The following AFAP1 variants were observed in gnomAD, a reference collection of about 807,000 sequenced individuals.
The protein encoded by AFAP1 is actin filament associated protein 1.
In AFAP1, 75 loss-of-function variants were observed where a neutral mutation model predicts 93.9. The ratio of observed to expected loss-of-function variants is 0.80; its 90% CI spans 0.66 to 0.97. The LOEUF is 0.97. AFAP1 is among the 50% of genes least tolerant of loss of function. The pLI is 0.00. For missense variants in AFAP1, 1,201 were observed against 1,050.8 expected, an observed-to-expected ratio of 1.14 and a Z score of -1.98; for synonymous variants, 517 against 430.7, an observed-to-expected ratio of 1.20 and a Z score of -2.48.
Position 7,846,156 on chromosome 4 carries a change from C to T in AFAP1, c.335-2806G>A, listed in dbSNP as rs114941212. Reference sequence around the variant, plus strand: ...GTGAGCGAGGCCACAAAACGACGTCCGTGGTTACGCTTGGCTGTGCTAGGA... The same window carrying T: ...GTGAGCGAGGCCACAAAACGACGTCTGTGGTTACGCTTGGCTGTGCTAGGA... On this transcript the variant is annotated intron_variant, in intron 4 of 17. Coordinates refer to ENST00000420658, the MANE Select transcript of AFAP1 (RefSeq NM_001134647.2). Among the ~76,000 whole-genome samples the T allele has an allele frequency of 8.2e-3, 1,249 of 152,292 alleles. 28 individuals carry two copies. Among genetic ancestry groups the T allele is most frequent in the African/African-American group, 0.028 (1,176 of 41,564 alleles).
chr4:7,816,540 A>G (rs1158503707), intron 7 of AFAP1, among the ~76,000 whole-genome samples: 2 of 152,230 alleles, frequency 1.3e-5, no homozygotes, highest in Non-Finnish European at 2.9e-5. Flanking sequence ...TCTGCTTGTA[A>G]CAATACACTC....
At chr4:7,784,260 G>A (rs1016859551) in intron 12 of AFAP1, among the ~76,000 whole-genome samples, 2 of 152,120 alleles carry the variant, frequency 1.3e-5, no homozygotes, top group African/African-American at 2.4e-5. Context: ...TCTACTGGAT[G>A]GACTCTGAAG....
chr4:7,785,596 G>A (rs944382741), intron 12 of AFAP1, among the ~76,000 whole-genome samples: 2 of 152,164 alleles, frequency 1.3e-5, no homozygotes, highest in African/African-American at 4.8e-5. Context: ...ACTCTAACAT[G>A]TTCTCCTTTA....
At chr4:7,826,871 C>T (rs552391678) in intron 6 of AFAP1, among the ~76,000 whole-genome samples, 1 of 152,280 alleles carries the variant, frequency 6.6e-6, no homozygotes, top group Admixed American at 6.5e-5. Context: ...ACACAAAACG[C>T]ATGGAATGTC....
intron 8 of AFAP1, among the ~76,000 whole-genome samples, chr4:7,811,482 G>A (rs1208245980): frequency 1.3e-5 from 2 of 149,520 alleles, no homozygotes; most frequent in South Asian, 4.4e-4. Context: ...GCCTCTCTCT[G>A]CTGGGGAGCG....
chr4:7,819,209 G>A, intron 6 of AFAP1, 38 bp from the exon 7 acceptor site: 1 of 1,553,804 alleles, frequency 6.4e-7, no homozygotes, highest in Non-Finnish European at 8.8e-7. Context: ...TATGCCCAAA[G>A]GCAGAGATAC....
chr4:7,791,126 A>G (rs1367002216), intron 11 of AFAP1, among the ~76,000 whole-genome samples: 1 of 152,236 alleles, frequency 6.6e-6, no homozygotes, highest in Non-Finnish European at 1.5e-5. Context: ...GGTGGAGTTC[A>G]TATTAAACGG....
Position 7,774,743 on chromosome 4 carries a change from G to C in AFAP1, c.2058C>G (p.Asn686Lys), listed in dbSNP as rs185989039. The change falls in exon 15 of 18, where the codon AAC becomes AAG. Residue 686 changes from asparagine to lysine, a missense_variant. By Grantham distance (94) the Asn-to-Lys change is moderately conservative. Coordinates refer to ENST00000420658, the MANE Select transcript of AFAP1 (RefSeq NM_001134647.2). Reference sequence around the variant, plus strand: ...AGTCACCCACACCCTTCATACCGGCGTTCACTTCAATAGCCGCTCGAAGGT... The same window carrying C: ...AGTCACCCACACCCTTCATACCGGCCTTCACTTCAATAGCCGCTCGAAGGT... ...RKDLRAAIEV[N>K]AGRKPQAILE... 1.9e-6 allele frequency: 3 copies of C among 1,613,898 alleles called. No individual in the cohort carries two copies. In the African/African-American group the frequency reaches 4.0e-5, roughly 22 times the overall value.
chr4:7,799,836 ATGAG>A (rs1452188720), intron 10 of AFAP1, among the ~76,000 whole-genome samples: 1 of 152,218 alleles, frequency 6.6e-6, no homozygotes, highest in Non-Finnish European at 1.5e-5. Flanking sequence ...TTCTGCTTTC[ATGAG>A]TAAGAAATTC....
chr4:7,839,490 A>G (rs1712730766), intron 5 of AFAP1, among the ~76,000 whole-genome samples: 1 of 152,124 alleles, frequency 6.6e-6, no homozygotes, highest in Admixed American at 6.5e-5. Context: ...CCACAGCCCT[A>G]ATGAGAGAAA....
intron 13 of AFAP1, among the ~76,000 whole-genome samples, chr4:7,780,950 C>T (rs551680550): frequency 6.6e-6 from 1 of 152,292 alleles, no homozygotes; most frequent in Admixed American, 6.5e-5. Context: ...TCTGAATAAT[C>T]TATTTCATGT....
chr4:7,909,116 T>A (rs1719586273), intron 1 of AFAP1, among the ~76,000 whole-genome samples: 1 of 152,364 alleles, frequency 6.6e-6, no homozygotes, highest in Admixed American at 6.5e-5. Flanking sequence ...TAGCTCTTAA[T>A]ATTTACATTT....
Position 7,809,698 on chromosome 4 carries a change from T to C in AFAP1, c.970A>G (p.Ile324Val), listed in dbSNP as rs1222267644. The C allele has an allele frequency of 4.3e-6, 7 of 1,613,870 alleles. No homozygotes were observed. The Admixed American group carries it at 6.7e-5, about 15-fold the overall frequency. ...GTVSKVTGKK[I>V]TKIISLGKKK... is the part of the protein sequence containing the mutation. The stretch of plus-strand genomic sequence containing the variant: ...TTTCCCAGACTGATGATCTTGGTGA[T>C]TTTTTTCCCAGTGACTTTCGACACA... The change falls in exon 9 of 18, where the codon ATC becomes GTC. Residue 324 changes from isoleucine to valine, a missense_variant. Coordinates refer to ENST00000420658, the MANE Select transcript of AFAP1 (RefSeq NM_001134647.2).
chr4:7,806,170 A>C (rs1437558624), intron 9 of AFAP1, among the ~76,000 whole-genome samples: 1 of 152,222 alleles, frequency 6.6e-6, no homozygotes, highest in African/African-American at 2.4e-5. Context: ...CTGTGTGCTG[A>C]GCTGACCTGC....
At position 7,759,655 on chromosome 4, in the gene AFAP1, G is replaced by GAAGGC. The variant is rs1295744061; in HGVS notation, c.*4105_*4109dup. ...AAAATCATTTTAGGAAAAGTAAGAG[G>GAAGGC]AAGGCAATAGTTTAGTTTAACATTG... On this transcript the variant is annotated 3_prime_UTR_variant, in exon 18 of 18. Coordinates refer to ENST00000420658, the MANE Select transcript of AFAP1 (RefSeq NM_001134647.2). The GAAGGC allele has an allele frequency of 1.3e-5, 2 of 152,672 alleles. No homozygotes were observed. Among genetic ancestry groups the GAAGGC allele is most frequent in the East Asian group, 3.8e-4 (2 of 5,204 alleles). 9.5% of individuals were successfully genotyped at this position (152,672 alleles called of 1,614,324 possible).
At position 7,838,578 on chromosome 4, in the gene AFAP1, C is replaced by T. The variant is rs376106763; in HGVS notation, c.672G>A (p.Thr224=). 120 of 1,614,010 alleles carry T rather than the reference C, an allele frequency of 7.4e-5. No individual in the cohort carries two copies. The highest frequency in any genetic ancestry group is 9.2e-5 in the Non-Finnish European group (109 of 1,180,026). Residue 224 remains threonine (T), a synonymous_variant, in exon 6 of 18, where the codon ACG becomes ACA. Coordinates refer to ENST00000420658, the MANE Select transcript of AFAP1 (RefSeq NM_001134647.2). ...KHELKITQQG[T]DPLVLAVQSK... Reference sequence around the variant, plus strand: ...TCTGGACGGCGAGAACAAGCGGGTCCGTGCCCTGCTGAGTAATCTTCAGCT... The same window carrying T: ...TCTGGACGGCGAGAACAAGCGGGTCTGTGCCCTGCTGAGTAATCTTCAGCT...
intron 6 of AFAP1, among the ~76,000 whole-genome samples, chr4:7,837,889 T>C (rs1712500930): frequency 6.6e-6 from 1 of 152,004 alleles, no homozygotes; most frequent in African/African-American, 2.4e-5. Context: ...AATGGTGGCA[T>C]GTCATGCGAG....
At chr4:7,786,379 AAT>A in intron 11 of AFAP1, 68 bp from the exon 12 acceptor site, 2 of 1,335,200 alleles carry the variant, frequency 1.5e-6, no homozygotes, top group Non-Finnish European at 2.2e-6. Flanking sequence ...TCAAGTCTTT[AAT>A]GAGTTCTGAC....
intron 1 of AFAP1, among the ~76,000 whole-genome samples, chr4:7,926,270 T>C (rs1720730380): frequency 6.6e-6 from 1 of 152,220 alleles, no homozygotes; most frequent in African/African-American, 2.4e-5. Context: ...TTTAGCAGAC[T>C]TACATGTGCC....
Sources: allele counts gnomAD v4.1 joint callset (sites outside exome capture counted in the v4.1 genomes callset), GRCh38; gene constraint gnomAD v4.1.1; transcripts MANE v1.5; gene names NCBI Gene and HGNC (gene_info 2026-07-23, HGNC 2026-07-21).